INTS10: variants seen among roughly 807,000 people sequenced by gnomAD.
INTS10 encodes chromosome 8 open reading frame 35.
INTS10 carries 44 observed loss-of-function variants against 94.4 expected under a neutral mutation model. The ratio of observed to expected loss-of-function variants is 0.47; its 90% confidence interval spans 0.37 to 0.60. The LOEUF (loss-of-function observed/expected upper bound fraction) is 0.60, where lower values mean the gene tolerates loss of function less well. INTS10 is among the 20% of genes least tolerant of loss of function. The pLI is 0.00. For missense variants in INTS10, 797 were observed against 868.7 expected, an observed-to-expected ratio of 0.92 and a Z score of 1.04; for synonymous variants, 341 against 320.7, an observed-to-expected ratio of 1.06 and a Z score of -0.68.
intron 8 of INTS10, among the ~76,000 whole-genome samples, 188 bp downstream of exon 8, chr8:19,825,160 A>G (rs2066696167): frequency 6.6e-6 from 1 of 152,202 alleles, no homozygotes; most frequent in Non-Finnish European, 1.5e-5. Context: ...AGTATATTTC[A>G]TTAAAAGTTT....
At chr8:19,832,359 C>A (rs1004747688) in intron 11 of INTS10, among the ~76,000 whole-genome samples, 4 of 152,056 alleles carry the variant, frequency 2.6e-5, no homozygotes, top group Non-Finnish European at 5.9e-5. Context: ...ATTGCTTGAG[C>A]CCAGGAGTTC....
At chr8:19,832,253 A>AG (rs1463371272) in intron 11 of INTS10, 143 bp downstream of exon 11, 1 of 613,000 alleles carries the variant, frequency 1.6e-6, no homozygotes, top group African/African-American at 1.8e-5. Flanking sequence ...TCAGTGGCTG[A>AG]GGGGGTATGG....
chr8:19,818,307 G>C lies in INTS10; in HGVS notation c.162G>C (p.Glu54Asp). 6.2e-7 allele frequency: 1 copy of C among 1,614,204 alleles called. No individual in the cohort carries two copies. The highest frequency in any genetic ancestry group is 8.5e-7 in the Non-Finnish European group (1 of 1,180,032). Reference sequence around the variant, plus strand: ...TGTACACCATCGAGCGGAATGCAGAGCGGACCGCCACCGCCGGGAGGCTGC... The same window carrying C: ...TGTACACCATCGAGCGGAATGCAGACCGGACCGCCACCGCCGGGAGGCTGC... ...YEMYTIERNA[E>D]RTATAGRLLY... is the part of the protein sequence containing the mutation. Residue 54 changes from glutamate (E) to aspartate (D), a missense_variant, in exon 2 of 17, where the codon GAG becomes GAC. Transcript: ENST00000397977.
intron 15 of INTS10, among the ~76,000 whole-genome samples, chr8:19,845,048 C>A (rs1274062951): frequency 6.6e-6 from 1 of 152,108 alleles, no homozygotes; most frequent in Non-Finnish European, 1.5e-5. Context: ...CAGGTGTGCA[C>A]TACCATACCA....
intron 9 of INTS10, among the ~76,000 whole-genome samples, chr8:19,828,197 G>A (rs930657758): frequency 6.6e-6 from 1 of 151,922 alleles, no homozygotes; most frequent in African/African-American, 2.4e-5. Context: ...AGCAACAGAG[G>A]GAGACCCCGT....
intron 16 of INTS10, among the ~76,000 whole-genome samples, chr8:19,847,818 G>A (rs762716726): frequency 6.6e-6 from 1 of 152,182 alleles, no homozygotes; most frequent in Non-Finnish European, 1.5e-5. Flanking sequence ...AGTATCACAG[G>A]GAAGAGTGTT....
chr8:19,828,585 C>T (rs532180669), intron 9 of INTS10, among the ~76,000 whole-genome samples: 17 of 152,308 alleles, frequency 1.1e-4, no homozygotes, highest in African/African-American at 3.1e-4. Flanking sequence ...TTCCTGATCT[C>T]GTGTTGAGGC....
At chr8:19,841,959 A>G (rs1563443292) in intron 13 of INTS10, 1 of 393,164 alleles carries the variant, frequency 2.5e-6, no homozygotes, top group South Asian at 1.9e-5. Flanking sequence ...ACATTATGTA[A>G]GTATGTGTGT....
Position 19,819,668 on chromosome 8 carries a change from T to C in INTS10, c.293T>C (p.Phe98Ser). ...RNDSQDKQTQ[F>S]LRSLFETLPG... ...GATTCACAGGACAAACAAACCCAAT[T>C]TTTAAGAAGTAAGAATAATGGTGTA... Residue 98 changes from phenylalanine (F) to serine (S), a missense_variant, in exon 3 of 17, where the codon TTT becomes TCT. By Grantham distance (155) the Phe-to-Ser change is radical. This residue lies in a region of INTS10 where 734 missense variants were observed against 787.8 expected (regional missense o/e 0.93). Coordinates refer to ENST00000397977, the MANE Select transcript of INTS10 (RefSeq NM_018142.4). 1.2e-6 allele frequency: 2 copies of C among 1,608,354 alleles called. No homozygotes were observed. Among genetic ancestry groups the C allele is most frequent in the Non-Finnish European group, 1.7e-6 (2 of 1,175,022 alleles).
chr8:19,833,009 T>G (rs2067356413), intron 11 of INTS10, among the ~76,000 whole-genome samples, 160 bp from the exon 12 acceptor site: 1 of 152,180 alleles, frequency 6.6e-6, no homozygotes. Flanking sequence ...TTGATTTGAT[T>G]CTATTGCCAA....
chr8:19,842,737 G>A (rs1025836648), intron 13 of INTS10, 111 bp from the exon 14 acceptor site: 4 of 633,648 alleles, frequency 6.3e-6, no homozygotes, highest in Non-Finnish European at 1.1e-5. Flanking sequence ...TGTGACTGTT[G>A]CATATTCTCT....
chr8:19,847,018 G>A (rs781758181), intron 16 of INTS10, among the ~76,000 whole-genome samples: 12 of 152,166 alleles, frequency 7.9e-5, no homozygotes, highest in Non-Finnish European at 1.6e-4. Context: ...TCCACATCTT[G>A]TTCTATCTTG....
At chr8:19,838,547 T>A (rs1013494367) in intron 13 of INTS10, among the ~76,000 whole-genome samples, 1 of 152,172 alleles carries the variant, frequency 6.6e-6, no homozygotes, top group Non-Finnish European at 1.5e-5. Flanking sequence ...ACACAAACTC[T>A]TATCAGAAAA....
In INTS10 at chr8:19,851,111, C is replaced by T. The variant is rs1470176219; in HGVS notation, c.1977-538C>T. 6.6e-6 allele frequency among the ~76,000 whole-genome samples: 1 copy of T among 152,182 alleles called. No homozygotes were observed. Among genetic ancestry groups the T allele is most frequent in the Non-Finnish European group, 1.5e-5 (1 of 68,036 alleles). On this transcript the variant is annotated intron_variant, in intron 16 of 16. Transcript: ENST00000397977. This position sits in a 1 kb window ranked among gnomAD's most constrained non-coding sequence, Gnocchi z 5.0. Reference sequence around the variant, plus strand: ...AGAGGAGCTGCCCTATTCTGGTGTCCTGGGGAGAGAGACGTGCTTGTGACC... The same window carrying T: ...AGAGGAGCTGCCCTATTCTGGTGTCTTGGGGAGAGAGACGTGCTTGTGACC...
At chr8:19,824,443 G>T (rs1215829056) in intron 7 of INTS10, 1 of 195,208 alleles carries the variant, frequency 5.1e-6, no homozygotes, top group Non-Finnish European at 1.0e-5. Flanking sequence ...GATGAGCCAA[G>T]ATCACACCAC....
chr8:19,844,439 T>C (rs1355249293), intron 15 of INTS10, among the ~76,000 whole-genome samples: 1 of 152,228 alleles, frequency 6.6e-6, no homozygotes, highest in East Asian at 1.9e-4. Context: ...GAATTGGGAA[T>C]CTTACAACCC....
At chr8:19,822,643 CT>C (rs1380797458) in intron 5 of INTS10, 123 bp downstream of exon 5, 9,625 of 509,420 alleles carry the variant, frequency 0.019, no homozygotes, top group South Asian at 0.027. Context: ...CATTTAAGTT[CT>C]TTTTTTTTTA....
chr8:19,826,995 G>T (rs1489493513), intron 9 of INTS10, among the ~76,000 whole-genome samples: 1 of 152,198 alleles, frequency 6.6e-6, no homozygotes, highest in Non-Finnish European at 1.5e-5. Flanking sequence ...TCTGAGGTGG[G>T]CAGGGCAGCA....
At chr8:19,848,839 C>A (rs570689676) in intron 16 of INTS10, 4 of 168,160 alleles carry the variant, frequency 2.4e-5, no homozygotes, top group Middle Eastern at 3.0e-3. Context: ...AAGGCTGCCC[C>A]TACTCCCTAT....
Sources: gnomAD v4.1 joint callset for allele counts (sites outside exome capture counted in the v4.1 genomes callset) on GRCh38, gnomAD v4.1.1 for gene constraint, gnomAD v4.1.1 regional missense constraint, Gnocchi (gnomAD v3.1) non-coding constraint, MANE v1.5 for transcripts, NCBI Gene and HGNC (gene_info 2026-07-23, HGNC 2026-07-21) for gene names.